CA3: variants seen among roughly 807,000 people sequenced by gnomAD.
The protein encoded by CA3 is CA-III.
A neutral mutation model predicts 35.7 loss-of-function variants in CA3; 30 were observed. That is an observed-to-expected ratio of 0.84 (90% CI 0.63 to 1.14). CA3 has a LOEUF of 1.14. Ranked by LOEUF, CA3 falls within the 50% of genes most tolerant of loss-of-function variation. The pLI is 0.00. For missense variants in CA3, 295 were observed against 328.5 expected (o/e 0.90, Z 0.79); for synonymous variants, 131 against 130.8 (o/e 1.00, Z -0.01).
chr8:85,442,832 T>C (rs1367742521), intron 3 of CA3, among the ~76,000 whole-genome samples: 1 of 152,166 alleles, frequency 6.6e-6, no homozygotes, highest in African/African-American at 2.4e-5. Flanking sequence ...ATGTATTAAC[T>C]CATTAGATCC....
Position 85,446,212 on chromosome 8 carries a change from A to T in CA3, c.578A>T (p.Tyr193Phe). 1 of 1,614,118 alleles carries T rather than the reference A, an allele frequency of 6.2e-7. No individual in the cohort carries two copies. The highest frequency in any genetic ancestry group is 8.5e-7 in the Non-Finnish European group (1 of 1,179,986). ...LFPACRDYWT[Y>F]QGSFTTPPCE... is the part of the protein sequence containing the mutation. ...CCGGCATGCCGGGACTACTGGACCTACCAGGGCTCATTCACCACGCCGCCC... is the reference window on the plus strand; with the variant it reads ...CCGGCATGCCGGGACTACTGGACCTTCCAGGGCTCATTCACCACGCCGCCC... Residue 193 changes from tyrosine (Y) to phenylalanine (F), a missense_variant, in exon 6 of 7, where the codon TAC becomes TTC. Tyr to Phe is a conservative substitution (Grantham distance 22, BLOSUM62 3). Transcript: ENST00000285381.
chr8:85,439,822 G>A lies in CA3; in HGVS notation c.145G>A (p.Val49Met), dbSNP rs748473985. 15 of 1,613,878 alleles carry A rather than the reference G, an allele frequency of 9.3e-6. No individual in the cohort carries two copies. Among genetic ancestry groups the A allele is most frequent in the Non-Finnish European group, 1.3e-5 (15 of 1,179,938 alleles). Residue 49 changes from valine to methionine, a missense_variant, in exon 2 of 7, where the codon GTG (valine) becomes ATG (methionine). Physicochemically the swap from Val to Met is conservative, Grantham distance 21. Transcript: ENST00000285381. ...TGACCCTTCTCTGCAGCCATGGTCT[G>A]TGTCTTATGATGGTGGCTCTGCCAA... ...RHDPSLQPWS[V>M]SYDGGSAKTI...
rs1345097287 is a variant in CA3, at chr8:85,442,097, G to A, written c.257G>A (p.Gly86Glu). 1 of 1,594,544 alleles carries A rather than the reference G, an allele frequency of 6.3e-7. No homozygotes were observed. Among genetic ancestry groups the A allele is most frequent in the Non-Finnish European group, 8.6e-7 (1 of 1,162,184 alleles). ...GTGCTGAGAGGGGGTCCTCTCCCTGGACCCTACCGACTTCGCCAGTTTCAT... is the reference window on the plus strand; with the variant it reads ...GTGCTGAGAGGGGGTCCTCTCCCTGAACCCTACCGACTTCGCCAGTTTCAT... ...RSMLRGGPLPGPYRLRQFHLH... is the reference protein window; with the variant it reads ...RSMLRGGPLPEPYRLRQFHLH... The change falls in exon 3 of 7, where the codon GGA (glycine) becomes GAA (glutamate). Residue 86 changes from glycine to glutamate, a missense_variant. Physicochemically the swap from Gly to Glu is moderately conservative, Grantham distance 98 (BLOSUM62 -2). Coordinates refer to ENST00000285381, the MANE Select transcript of CA3 (RefSeq NM_005181.4).
Position 85,439,701 on chromosome 8 carries a change from T to C in CA3, c.35-11T>C. The C allele has an allele frequency of 6.2e-7, 1 of 1,605,726 alleles. No homozygotes were observed. Reference sequence around the variant, plus strand: ...ACCAAATAAATACATCTCCTCGACTTTATTTCCTAGGTCCTGACCACTGGC... The same window carrying C: ...ACCAAATAAATACATCTCCTCGACTCTATTTCCTAGGTCCTGACCACTGGC... On this transcript the variant is annotated splice_polypyrimidine_tract_variant and intron_variant, in intron 1 of 6. Transcript: ENST00000285381.
intron 6 of CA3, among the ~76,000 whole-genome samples, chr8:85,446,943 G>T (rs1269796036): frequency 6.6e-6 from 1 of 152,110 alleles, no homozygotes; most frequent in Non-Finnish European, 1.5e-5. Flanking sequence ...AGAACATGGA[G>T]AAAAACAGAT....
chr8:85,441,559 T>G (rs916510318), intron 2 of CA3, among the ~76,000 whole-genome samples: 3 of 152,224 alleles, frequency 2.0e-5, no homozygotes, highest in African/African-American at 7.2e-5. Flanking sequence ...CACTTTAAGG[T>G]GCTTAATCTC....
chr8:85,442,336 A>G, intron 3 of CA3, 145 bp downstream of exon 3: 2 of 636,078 alleles, frequency 3.1e-6, no homozygotes, highest in South Asian at 1.8e-5. Flanking sequence ...TTTTAGCTGA[A>G]CTGAAGCTGC....
chr8:85,443,921 TGA>T, intron 3 of CA3, 111 bp from the exon 4 acceptor site: 1 of 748,614 alleles, frequency 1.3e-6, no homozygotes, highest in South Asian at 1.6e-5. Context: ...TCAGCTTTTA[TGA>T]GAGTGCTCAG....
rs764348193 is a variant in CA3, at chr8:85,445,171, G to A, written c.460G>A (p.Gly154Ser). ...TTTCTTACAGATAGGACATGAGAAT[G>A]GCGAGTTCCAGATTTTCCTTGATGC... ...GIFLKIGHENGEFQIFLDALD... is the reference protein window; with the variant it reads ...GIFLKIGHENSEFQIFLDALD... The change falls in exon 5 of 7, where the codon GGC becomes AGC. Residue 154 changes from glycine (G) to serine (S), a missense_variant. Transcript: ENST00000285381. The A allele has an allele frequency of 6.2e-7, 1 of 1,606,540 alleles. No individual in the cohort carries two copies. Among genetic ancestry groups the A allele is most frequent in the Admixed American group, 1.7e-5 (1 of 59,374 alleles).
intron 5 of CA3, among the ~76,000 whole-genome samples, chr8:85,445,503 A>ACAC (rs1811274840): frequency 8.1e-6 from 1 of 123,294 alleles, no homozygotes; most frequent in African/African-American, 3.8e-5. Flanking sequence ...ATCCTCGCCC[A>ACAC]ACACACACAC....
chr8:85,446,391 C>G, intron 6 of CA3, 94 bp downstream of exon 6: 2 of 1,371,614 alleles, frequency 1.5e-6, no homozygotes, highest in Non-Finnish European at 2.0e-6. Flanking sequence ...TAACTGGATA[C>G]TCACTGAACA....
chr8:85,443,253 G>T (rs944295128), intron 3 of CA3, among the ~76,000 whole-genome samples: 1 of 152,122 alleles, frequency 6.6e-6, no homozygotes, highest in Non-Finnish European at 1.5e-5. Flanking sequence ...AATTACAAGG[G>T]TTTAAGACAG....
In CA3 at chr8:85,444,052, A is replaced by C. The variant is rs760307807; in HGVS notation, c.370A>C (p.Asn124His). 1 of 1,612,880 alleles carries C rather than the reference A, an allele frequency of 6.2e-7. No homozygotes were observed. Among genetic ancestry groups the C allele is most frequent in the African/African-American group, 1.3e-5 (1 of 74,904 alleles). ...YAAELHLVHW[N>H]PKYNTFKEAL... is the part of the protein sequence containing the mutation. ...GTTTCAGCTTCATTTGGTTCACTGG[A>C]ACCCGAAGTATAACACTTTTAAAGA... Residue 124 changes from asparagine (N) to histidine (H), a missense_variant, in exon 4 of 7, where the codon AAC (asparagine) becomes CAC (histidine). Coordinates refer to ENST00000285381, the MANE Select transcript of CA3 (RefSeq NM_005181.4).
Position 85,445,218 on chromosome 8 carries a change from G to T in CA3, c.507G>T (p.Lys169Asn). 2 of 1,586,780 alleles carry T rather than the reference G, an allele frequency of 1.3e-6. No individual in the cohort carries two copies. The highest frequency in any genetic ancestry group is 1.7e-6 in the Non-Finnish European group (2 of 1,160,566). Residue 169 changes from lysine to asparagine, a missense_variant and splice_region_variant, in exon 5 of 7, where the codon AAG (lysine) becomes AAT (asparagine). Transcript: ENST00000285381. ...ATGCATTGGACAAGATTAAGACAAA[G>T]GTAAACAAAAATCATTTTCCCTCCT... Reference protein sequence around the residue: ...FLDALDKIKTKGKEAPFTKFD... With the variant: ...FLDALDKIKTNGKEAPFTKFD...
intron 1 of CA3, 129 bp from the exon 2 acceptor site, chr8:85,439,583 C>A: frequency 1.6e-6 from 1 of 626,546 alleles, no homozygotes; most frequent in Non-Finnish European, 2.8e-6. Context: ...CTCTTATTGC[C>A]CAGTCTGAAA....
rs1365108444 is a variant in CA3, at chr8:85,442,161, C to T, written c.321C>T (p.His107=). The T allele has an allele frequency of 3.1e-6, 5 of 1,603,998 alleles. No homozygotes were observed. The highest frequency in any genetic ancestry group is 1.7e-4 in the Middle Eastern group (1 of 6,038). ...WGSSDDHGSE[H]TVDGVKYAAE... ...CTTCGGATGATCATGGCTCTGAGCA[C>T]ACCGTGGATGGAGTCAAGTATGCAG... Residue 107 remains histidine, a synonymous_variant, in exon 3 of 7, where the codon CAC becomes CAT. Coordinates refer to ENST00000285381, the MANE Select transcript of CA3 (RefSeq NM_005181.4).
At position 85,444,108 on chromosome 8, in the gene CA3, G is replaced by C; in HGVS notation, c.426G>C (p.Val142=). The part of the protein sequence containing the change: ...EALKQRDGIA[V]IGIFLKIGHE... Reference sequence around the variant, plus strand: ...TGAAGCAGCGCGATGGGATCGCTGTGATTGGCATTTTTCTGAAGGTAAAGT... The same window carrying C: ...TGAAGCAGCGCGATGGGATCGCTGTCATTGGCATTTTTCTGAAGGTAAAGT... The change falls in exon 4 of 7, where the codon GTG becomes GTC. Residue 142 remains valine, a synonymous_variant. Coordinates refer to ENST00000285381, the MANE Select transcript of CA3 (RefSeq NM_005181.4). The C allele has an allele frequency of 1.2e-6, 2 of 1,611,998 alleles. No individual in the cohort carries two copies. The highest frequency in any genetic ancestry group is 1.7e-6 in the Non-Finnish European group (2 of 1,178,080).
chr8:85,443,086 ATG>A (rs536129973), intron 3 of CA3, among the ~76,000 whole-genome samples: 3 of 152,314 alleles, frequency 2.0e-5, no homozygotes, highest in Non-Finnish European at 2.9e-5. Flanking sequence ...GTGCATATAT[ATG>A]TGTGTGTGTA....
chr8:85,444,974 G>A (rs1776190585), intron 4 of CA3, among the ~76,000 whole-genome samples, 182 bp from the exon 5 acceptor site: 2 of 152,124 alleles, frequency 1.3e-5, no homozygotes, highest in South Asian at 4.2e-4. Context: ...TCCAAATTTA[G>A]ATCAGAAAAT....
Sources: gnomAD v4.1 joint callset for allele counts (sites outside exome capture counted in the v4.1 genomes callset) on GRCh38, gnomAD v4.1.1 for gene constraint, MANE v1.5 for transcripts, NCBI Gene and HGNC (gene_info 2026-07-23, HGNC 2026-07-21) for gene names.